The following MYO1D variants were observed in gnomAD, a reference collection of about 807,000 sequenced individuals.
MYO1D encodes myosin ID.
Under a neutral mutation model 122.0 loss-of-function variants are expected in MYO1D, and 83 were observed. The ratio of observed to expected loss-of-function variants is 0.68; its 90% confidence interval spans 0.57 to 0.82. MYO1D has a LOEUF of 0.82. Ranked by LOEUF, MYO1D falls within the 40% of genes least tolerant of loss-of-function variation. The pLI is 0.00. For synonymous variants in MYO1D, 464 were observed against 446.9 expected (o/e 1.04, Z -0.48); for missense variants, 1,157 against 1,269.5 (o/e 0.91, Z 1.35).
At chr17:32,815,539 T>C (rs2090606240) in intron 1 of MYO1D, among the ~76,000 whole-genome samples, 1 of 152,254 alleles carries the variant, frequency 6.6e-6, no homozygotes, top group Admixed American at 6.5e-5. Flanking sequence ...AGCATAGTTA[T>C]TATGCTTAAG....
chr17:32,697,908 T>C (rs1340260620), intron 16 of MYO1D, among the ~76,000 whole-genome samples: 2 of 152,246 alleles, frequency 1.3e-5, no homozygotes, highest in Non-Finnish European at 2.9e-5. Context: ...TGACTAGTTT[T>C]TCAAACTTTT....
intron 1 of MYO1D, among the ~76,000 whole-genome samples, chr17:32,874,316 T>G (rs28388279): frequency 3.7e-5 from 1 of 27,270 alleles, no homozygotes; most frequent in Non-Finnish European, 6.6e-5. Context: ...CTCTCTCTCT[T>G]TGTGTCTCTG....
intron 16 of MYO1D, among the ~76,000 whole-genome samples, chr17:32,675,645 G>A (rs2088796429): frequency 1.3e-5 from 2 of 151,734 alleles, no homozygotes; most frequent in African/African-American, 4.8e-5. Context: ...AATTCTTTTG[G>A]TGAACTGTGT....
intron 1 of MYO1D, among the ~76,000 whole-genome samples, chr17:32,871,769 C>T (rs2091182090): frequency 6.6e-6 from 1 of 152,130 alleles, no homozygotes; most frequent in South Asian, 2.1e-4. Flanking sequence ...GAGGAGTGTG[C>T]GGAGTAAGGA....
chr17:32,789,354 G>C lies in MYO1D; in HGVS notation c.96-8570C>G, dbSNP rs186062042. On this transcript the variant is annotated intron_variant, in intron 1 of 21. Coordinates refer to ENST00000318217, the MANE Select transcript of MYO1D (RefSeq NM_015194.3). ...ATTCTTGTTTTGTTCTAGTTCTCAC[G>C]GGGAATGCTTTCAACTTTTCCCCAT... Among the ~76,000 whole-genome samples, 5 of 152,190 alleles carry C rather than the reference G, an allele frequency of 3.3e-5. No homozygotes were observed. In the South Asian group the frequency reaches 1.0e-3, roughly 32 times the overall value.
intron 1 of MYO1D, among the ~76,000 whole-genome samples, chr17:32,827,623 T>C (rs1162315068): frequency 6.6e-6 from 1 of 152,252 alleles, no homozygotes; most frequent in African/African-American, 2.4e-5. Context: ...AAAATGTTTG[T>C]ATTTATTTCT....
At chr17:32,585,452 A>T (rs1247450983) in intron 21 of MYO1D, among the ~76,000 whole-genome samples, 2 of 152,148 alleles carry the variant, frequency 1.3e-5, no homozygotes, top group Admixed American at 6.5e-5. Context: ...CAGTCTGGCC[A>T]GGCACAGTGG....
chr17:32,845,916 C>T (rs567982948), intron 1 of MYO1D, among the ~76,000 whole-genome samples: 4 of 151,278 alleles, frequency 2.6e-5, no homozygotes, highest in South Asian at 2.1e-4. Flanking sequence ...CTGAATGGTA[C>T]GAGCTTCTGA....
In MYO1D at chr17:32,836,147, T is replaced by C. The variant is rs150613087; in HGVS notation, c.95+40631A>G. ...CCAACCATATGATATATTCACAATT[T>C]ATACATATTGCAACATATAATATTT... On this transcript the variant is annotated intron_variant, in intron 1 of 21. Transcript: ENST00000318217. Among the ~76,000 whole-genome samples the C allele has an allele frequency of 4.0e-3, 609 of 152,338 alleles. 3 individuals carry two copies. The highest frequency in any genetic ancestry group is 0.013 in the African/African-American group (561 of 41,582).
intron 1 of MYO1D, among the ~76,000 whole-genome samples, chr17:32,783,023 C>T (rs552751871): frequency 6.6e-6 from 1 of 152,146 alleles, no homozygotes; most frequent in African/African-American, 2.4e-5. Flanking sequence ...TTCAAAGACT[C>T]GCGAAAATAA....
chr17:32,603,188 G>C (rs2087582871), intron 21 of MYO1D, among the ~76,000 whole-genome samples: 1 of 152,062 alleles, frequency 6.6e-6, no homozygotes, highest in South Asian at 2.1e-4. Context: ...CATACGCCTA[G>C]AAATGTACCT....
chr17:32,601,005 G>C (rs1231495269), intron 21 of MYO1D, among the ~76,000 whole-genome samples: 1 of 149,066 alleles, frequency 6.7e-6, no homozygotes, highest in East Asian at 2.0e-4. Context: ...AGGTTGAAGT[G>C]CAGTGGCACG....
intron 12 of MYO1D, among the ~76,000 whole-genome samples, chr17:32,746,354 T>C (rs2089838685): frequency 6.6e-6 from 1 of 152,214 alleles, no homozygotes. Flanking sequence ...ATGGACCTAG[T>C]TGCTATTTCC....
At chr17:32,654,683 TC>T in intron 17 of MYO1D, 62 bp from the exon 18 acceptor site, 4 of 1,408,764 alleles carry the variant, frequency 2.8e-6, no homozygotes, top group Non-Finnish European at 3.8e-6. Flanking sequence ...ATTCTCTCTC[TC>T]TTTTTTTTTT....
intron 19 of MYO1D, among the ~76,000 whole-genome samples, chr17:32,641,092 C>T (rs538329077): frequency 3.5e-4 from 42 of 120,126 alleles, no homozygotes; most frequent in African/African-American, 1.3e-3. Flanking sequence ...CCCCTCCCCC[C>T]ACCCCACAAC....
intron 16 of MYO1D, among the ~76,000 whole-genome samples, chr17:32,709,699 C>A (rs2089351617): frequency 6.6e-6 from 1 of 151,870 alleles, no homozygotes; most frequent in Non-Finnish European, 1.5e-5. Flanking sequence ...ATCTTGGCAA[C>A]TGGAAGAAAA....
intron 16 of MYO1D, among the ~76,000 whole-genome samples, chr17:32,674,858 G>A (rs1027085982): frequency 2.0e-5 from 3 of 152,204 alleles, no homozygotes; most frequent in South Asian, 2.1e-4. Context: ...GATACTGGGC[G>A]AAGATGCTTC....
chr17:32,513,699 A>G (rs1909779945), intron 21 of MYO1D, among the ~76,000 whole-genome samples: 1 of 152,214 alleles, frequency 6.6e-6, no homozygotes, highest in Non-Finnish European at 1.5e-5. Flanking sequence ...ATGCTGTGCT[A>G]TATTAAGTGA....
chr17:32,721,072 G>C lies in MYO1D; in HGVS notation c.1864C>G (p.Arg622Gly). 1 of 1,613,968 alleles carries C rather than the reference G, an allele frequency of 6.2e-7. No homozygotes were observed. Among genetic ancestry groups the C allele is most frequent in the Non-Finnish European group, 8.5e-7 (1 of 1,179,934 alleles). Residue 622 changes from arginine (R) to glycine (G), a missense_variant, in exon 15 of 22, where the codon CGT becomes GGT. Physicochemically the swap from Arg to Gly is moderately radical, Grantham distance 125 (BLOSUM62 -2). Transcript: ENST00000318217. ...YLGLLENVRV[R>G]RAGFAFRQTY... ...TGGCGGAAGGCAAATCCTGCCCGAC[G>C]CACTCTCACATTTTCCAGTAGTCCA...
Sources: gnomAD v4.1 joint callset for allele counts (sites outside exome capture counted in the v4.1 genomes callset) on GRCh38, gnomAD v4.1.1 for gene constraint, MANE v1.5 for transcripts, NCBI Gene and HGNC (gene_info 2026-07-23, HGNC 2026-07-21) for gene names.